The following CNBD1 variants were observed in gnomAD, a reference collection of about 807,000 sequenced individuals.
The protein encoded by CNBD1 is cyclic nucleotide binding domain containing 1, also known as cyclic nucleotide-binding domain-containing protein 1.
CNBD1 carries 71 observed loss-of-function variants against 54.4 expected under a neutral mutation model. That is an observed-to-expected ratio of 1.30 (90% CI 1.08 to 1.59). CNBD1 has a LOEUF of 1.59. Ranked by LOEUF, CNBD1 falls within the 40% of genes most tolerant of loss-of-function variation. The pLI, the probability that CNBD1 is intolerant of heterozygous loss-of-function variation, is 0.00. For synonymous variants in CNBD1, 182 were observed against 170.7 expected (o/e 1.07, Z -0.51); for missense variants, 659 against 518.0 (o/e 1.27, Z -2.64).
chr8:87,094,291 C>A (rs1811274888), intron 4 of CNBD1, among the ~76,000 whole-genome samples: 1 of 151,968 alleles, frequency 6.6e-6, no homozygotes, highest in African/African-American at 2.4e-5. Context: ...GCTTGGGCCC[C>A]AGGTAGGAGG....
Position 87,166,162 on chromosome 8 carries a change from C to T in CNBD1, c.432-39831C>T, listed in dbSNP as rs1316279412. Among the ~76,000 whole-genome samples, 1 of 151,914 alleles carries T rather than the reference C, an allele frequency of 6.6e-6. No homozygotes were observed. The highest frequency in any genetic ancestry group is 2.4e-5 in the African/African-American group (1 of 41,406). The stretch of plus-strand genomic sequence containing the variant: ...AACTGTTCTTTTTCCCTTCCTCTCT[C>T]TCAATAAATGAGACTAGGAATTATC... On this transcript the variant is annotated intron_variant, in intron 4 of 10. Transcript: ENST00000518476. The surrounding 1 kb of genome is among the most constrained non-coding windows in gnomAD (Gnocchi z 4.3).
At chr8:87,027,347 C>A (rs1272192762) in intron 4 of CNBD1, among the ~76,000 whole-genome samples, 2 of 152,158 alleles carry the variant, frequency 1.3e-5, no homozygotes, top group African/African-American at 4.8e-5. Flanking sequence ...TCTCGGCTCA[C>A]TGCAACCACC....
intron 3 of CNBD1, among the ~76,000 whole-genome samples, chr8:86,932,939 G>T (rs987161594): frequency 4.6e-5 from 7 of 152,044 alleles, no homozygotes; most frequent in African/African-American, 1.7e-4. Flanking sequence ...TTTCCTCCTA[G>T]ATCACAAAGA....
At chr8:86,956,018 G>C (rs1284449605) in intron 4 of CNBD1, among the ~76,000 whole-genome samples, 2 of 152,128 alleles carry the variant, frequency 1.3e-5, no homozygotes, top group African/African-American at 4.8e-5. Context: ...TAAGGTGTAA[G>C]GAAGGGATCC....
chr8:87,036,782 C>T (rs934541975), intron 4 of CNBD1, among the ~76,000 whole-genome samples: 1 of 151,940 alleles, frequency 6.6e-6, no homozygotes, highest in Non-Finnish European at 1.5e-5. Flanking sequence ...ATAATAAAGT[C>T]CAATATATCA....
intron 4 of CNBD1, among the ~76,000 whole-genome samples, chr8:86,959,744 A>G (rs188863805): frequency 6.6e-6 from 1 of 152,070 alleles, no homozygotes; most frequent in African/African-American, 2.4e-5. Flanking sequence ...CTAGTTAGCC[A>G]TTCATCTAAT....
At chr8:87,299,751 C>A (rs1016923292) in intron 8 of CNBD1, among the ~76,000 whole-genome samples, 5 of 152,276 alleles carry the variant, frequency 3.3e-5, no homozygotes, top group Middle Eastern at 3.4e-3. Flanking sequence ...AAAGGTACTA[C>A]TTTCTCATGG....
intron 5 of CNBD1, among the ~76,000 whole-genome samples, chr8:87,227,178 T>C (rs945868903): frequency 1.3e-5 from 2 of 152,150 alleles, no homozygotes; most frequent in African/African-American, 4.8e-5. Flanking sequence ...CAGTGATGGG[T>C]CTTGACTCTT....
chr8:87,309,679 C>A (rs1809225036), intron 8 of CNBD1, among the ~76,000 whole-genome samples: 4 of 152,046 alleles, frequency 2.6e-5, no homozygotes, highest in Admixed American at 2.6e-4. Context: ...CTATGAATAA[C>A]TATATCTACA....
intron 8 of CNBD1, among the ~76,000 whole-genome samples, chr8:87,343,954 T>C (rs959716724): frequency 6.6e-6 from 1 of 152,130 alleles, no homozygotes; most frequent in Admixed American, 6.6e-5. Context: ...TATTATAAAT[T>C]ACTTCCTATA....
At position 87,323,213 on chromosome 8, in the gene CNBD1, T is replaced by C. The variant is rs1262048815; in HGVS notation, c.1043-28472T>C. 2.3e-3 allele frequency among the ~76,000 whole-genome samples: 271 copies of C among 117,196 alleles called. 12 individuals carry two copies. Among genetic ancestry groups the C allele is most frequent in the South Asian group, 0.015 (55 of 3,698 alleles). The allele number at this position is 117,196 out of a possible 152,430, so 76.9% of individuals were successfully genotyped here. ...TGCTGTTTTGGTTACTGTAGCCTTG[T>C]AGTATAGTTTGAAGTCAGGTAGTGT... On this transcript the variant is annotated intron_variant, in intron 8 of 10. Coordinates refer to ENST00000518476, the MANE Select transcript of CNBD1 (RefSeq NM_173538.3).
chr8:87,324,911 A>G (rs1280006771), intron 8 of CNBD1, among the ~76,000 whole-genome samples: 1 of 106,864 alleles, frequency 9.4e-6, no homozygotes, highest in Admixed American at 8.4e-5. Flanking sequence ...TCAATTTTGG[A>G]TCTTTCTTGC....
chr8:87,424,794 G>A (rs918784684), intron 2 of CNBD1, among the ~76,000 whole-genome samples: 3 of 152,076 alleles, frequency 2.0e-5, no homozygotes, highest in Non-Finnish European at 4.4e-5. Context: ...TGACAATTAT[G>A]TGTCTTGGAG....
chr8:86,984,959 G>A (rs187212148), intron 4 of CNBD1, among the ~76,000 whole-genome samples: 13 of 152,164 alleles, frequency 8.5e-5, no homozygotes, highest in African/African-American at 2.2e-4. Context: ...GGGAGGGGTC[G>A]GGGTGGAATG....
downstream of CNBD1, among the ~76,000 whole-genome samples, chr8:87,387,078 G>A (rs991105183): frequency 6.6e-6 from 1 of 152,144 alleles, no homozygotes. Flanking sequence ...TCACCACCAG[G>A]CCTGCCCTAA....
At chr8:87,088,627 T>G (rs1486975062) in intron 4 of CNBD1, among the ~76,000 whole-genome samples, 1 of 152,120 alleles carries the variant, frequency 6.6e-6, no homozygotes, top group Admixed American at 6.5e-5. Context: ...ATGATAAAGA[T>G]TATTAGGAAG....
At chr8:87,040,628 G>A (rs1810047804) in intron 4 of CNBD1, among the ~76,000 whole-genome samples, 1 of 151,550 alleles carries the variant, frequency 6.6e-6, no homozygotes, top group African/African-American at 2.4e-5. Flanking sequence ...GTTTCATGGT[G>A]TTAGCCAGGA....
At chr8:86,906,023 G>C (rs1412904168) in intron 3 of CNBD1, among the ~76,000 whole-genome samples, 1 of 152,146 alleles carries the variant, frequency 6.6e-6, no homozygotes, top group Admixed American at 6.6e-5. Context: ...ACTGTATTTT[G>C]CTTGTGTGTT....
At chr8:87,337,442 G>C (rs941384126) in intron 8 of CNBD1, among the ~76,000 whole-genome samples, 2 of 152,142 alleles carry the variant, frequency 1.3e-5, no homozygotes, top group African/African-American at 4.8e-5. Context: ...CCACAGTGTT[G>C]GCTGCCACCC....
Sources: allele counts gnomAD v4.1 joint callset (sites outside exome capture counted in the v4.1 genomes callset), GRCh38; gene constraint gnomAD v4.1.1; non-coding constraint Gnocchi (gnomAD v3.1); transcripts MANE v1.5; gene names NCBI Gene and HGNC (gene_info 2026-07-23, HGNC 2026-07-21).